The following DENND2B variants were observed in gnomAD, a reference collection of about 807,000 sequenced individuals.
DENND2B encodes the protein DENN domain containing 2B.
Under a neutral mutation model 116.0 loss-of-function variants are expected in DENND2B, and 32 were observed. The ratio of observed to expected loss-of-function variants is 0.28; its 90% CI spans 0.21 to 0.37. DENND2B has a LOEUF of 0.37. Among genes scored for constraint, DENND2B ranks in the 10% least tolerant of loss-of-function variants. The pLI is 1.00. For synonymous variants in DENND2B, 588 were observed against 583.9 expected (o/e 1.01, Z -0.10); for missense variants, 1,276 against 1,477.7 (o/e 0.86, Z 2.24).
chr11:8,815,606 T>C (rs747580375), upstream of DENND2B, among the ~76,000 whole-genome samples: 57 of 152,218 alleles, frequency 3.7e-4, no homozygotes, highest in Non-Finnish European at 2.6e-4. Flanking sequence ...TCTTACTGCC[T>C]TCAAGGTCCA....
intron 6 of DENND2B, among the ~76,000 whole-genome samples, chr11:8,715,050 T>C (rs2044476477): frequency 1.3e-5 from 2 of 152,194 alleles, no homozygotes; most frequent in Non-Finnish European, 2.9e-5. Context: ...GCCTCTGAGA[T>C]GCAATAACAG....
chr11:8,800,735 A>G (rs938369577), intron 1 of DENND2B, among the ~76,000 whole-genome samples: 1 of 152,244 alleles, frequency 6.6e-6, no homozygotes, highest in African/African-American at 2.4e-5. Flanking sequence ...TAGCACTCAA[A>G]GAAGATTTGA....
chr11:8,908,116 A>T (rs2064262510), intron 1 of DENND2B, among the ~76,000 whole-genome samples: 1 of 152,260 alleles, frequency 6.6e-6, no homozygotes. Flanking sequence ...TTAGGGACAA[A>T]TAAGGAACAG....
upstream of DENND2B, among the ~76,000 whole-genome samples, chr11:8,813,018 A>G (rs901788444): frequency 1.4e-5 from 2 of 138,378 alleles, no homozygotes; most frequent in African/African-American, 5.0e-5. Flanking sequence ...TCCTGAGCTC[A>G]AGCAATCCTC....
At chr11:8,784,219 G>T (rs1374599257) in intron 1 of DENND2B, 1 of 146,506 alleles carries the variant, frequency 6.8e-6, no homozygotes, top group Admixed American at 6.9e-5. Flanking sequence ...GTAACCAATA[G>T]CCTGGACAAC....
At position 8,824,006 on chromosome 11, in the gene DENND2B, G is replaced by A. The variant is rs553722215; in HGVS notation, c.-114-12671C>T. Among the ~76,000 whole-genome samples the A allele has an allele frequency of 1.1e-3, 168 of 151,072 alleles. 1 individual carries two copies. The highest frequency in any genetic ancestry group is 3.8e-3 in the African/African-American group (156 of 41,134). On this transcript the variant is annotated intron_variant, in intron 4 of 6. Transcript: ENST00000524757. ...CAACCTCCGCCTCCCGGGTTCAAGC[G>A]ATTCTCCTGCTTCAGGCTCCCCAGT...
intron 1 of DENND2B, among the ~76,000 whole-genome samples, chr11:8,800,740 A>T (rs1431266858): frequency 6.6e-6 from 1 of 152,192 alleles, no homozygotes; most frequent in Non-Finnish European, 1.5e-5. Context: ...CTCAAAGAAG[A>T]TTTGAGGGAC....
At chr11:8,790,567 G>C (rs138134665) in intron 1 of DENND2B, among the ~76,000 whole-genome samples, 2 of 152,038 alleles carry the variant, frequency 1.3e-5, no homozygotes, top group Non-Finnish European at 2.9e-5. Context: ...CCAAGAGTTC[G>C]AGACCAACCT....
intron 1 of DENND2B, among the ~76,000 whole-genome samples, chr11:8,792,190 G>A (rs2059441863): frequency 6.6e-6 from 1 of 152,202 alleles, no homozygotes; most frequent in Non-Finnish European, 1.5e-5. Context: ...GGGCAACAGA[G>A]TGAGACGCTA....
chr11:8,854,023 T>A (rs2063109274), intron 3 of DENND2B, among the ~76,000 whole-genome samples: 2 of 72,328 alleles, frequency 2.8e-5, no homozygotes, highest in Non-Finnish European at 6.2e-5. Flanking sequence ...TTAATTTTTT[T>A]TTTTTTTTTT....
At chr11:8,806,785 C>G (rs919053590) in intron 1 of DENND2B, among the ~76,000 whole-genome samples, 2 of 152,122 alleles carry the variant, frequency 1.3e-5, no homozygotes, top group African/African-American at 4.8e-5. Context: ...CATAGCACCT[C>G]CCCTCCAGGA....
At chr11:8,754,709 A>G (rs974178087) in intron 1 of DENND2B, among the ~76,000 whole-genome samples, 2 of 152,260 alleles carry the variant, frequency 1.3e-5, no homozygotes, top group South Asian at 2.1e-4. Context: ...AATGTGGTAT[A>G]TATCAACACA....
chr11:8,741,971 G>A (rs1169599221), intron 2 of DENND2B, among the ~76,000 whole-genome samples: 1 of 152,200 alleles, frequency 6.6e-6, no homozygotes, highest in Non-Finnish European at 1.5e-5. Flanking sequence ...GCTCACTGAA[G>A]CCTGGAATTC....
At chr11:8,908,011 T>C (rs2064261157) in intron 1 of DENND2B, among the ~76,000 whole-genome samples, 1 of 152,202 alleles carries the variant, frequency 6.6e-6, no homozygotes, top group African/African-American at 2.4e-5. Flanking sequence ...CCTCTTTATG[T>C]GGGCTAACAG....
chr11:8,892,424 CA>C (rs1232138254), intron 1 of DENND2B, among the ~76,000 whole-genome samples: 5 of 152,078 alleles, frequency 3.3e-5, no homozygotes, highest in Non-Finnish European at 5.9e-5. Context: ...GACAGAGACA[CA>C]AAAAAACCTT....
chr11:8,792,371 C>G lies in DENND2B; in HGVS notation c.-26+18146G>C, dbSNP rs191124140. Among the ~76,000 whole-genome samples, 13 of 151,898 alleles carry G rather than the reference C, an allele frequency of 8.6e-5. No homozygotes were observed. The East Asian group carries it at 2.5e-3, about 29-fold the overall frequency. ...GTGAAGAAGATTTTTCCAAGTATGA[C>G]AGAAAATTCAACTCCACAGCCGAGA... On this transcript the variant is annotated intron_variant, in intron 1 of 19. Transcript: ENST00000313726.
intron 3 of DENND2B, 144 bp downstream of exon 3, chr11:8,729,806 C>T (rs2047779753): frequency 8.7e-7 from 1 of 1,145,088 alleles, no homozygotes; most frequent in Non-Finnish European, 1.2e-6. Context: ...TTCACTACCA[C>T]AACTACCACC....
At chr11:8,775,411 C>T (rs1020151143) in intron 1 of DENND2B, among the ~76,000 whole-genome samples, 7 of 152,146 alleles carry the variant, frequency 4.6e-5, no homozygotes, top group African/African-American at 1.4e-4. Context: ...GTTCCAACTC[C>T]AAAAAGCCCT....
chr11:8,726,328 G>T, intron 3 of DENND2B, 119 bp from the exon 4 acceptor site: 2 of 1,355,728 alleles, frequency 1.5e-6, no homozygotes, highest in Non-Finnish European at 2.0e-6. Flanking sequence ...GCTTCTGAAA[G>T]AGCATCAAGG....
Sources: gnomAD v4.1 joint callset for allele counts (sites outside exome capture counted in the v4.1 genomes callset) on GRCh38, gnomAD v4.1.1 for gene constraint, MANE v1.5 for transcripts, NCBI Gene and HGNC (gene_info 2026-07-23, HGNC 2026-07-21) for gene names.